PLEKHA3: variants seen among roughly 807,000 people sequenced by gnomAD.
PLEKHA3 encodes the protein pleckstrin homology domain containing A3, also known as pleckstrin homology domain-containing family A member 3.
PLEKHA3 carries 19 observed loss-of-function variants against 39.2 expected under a neutral mutation model. That is an observed-to-expected ratio of 0.48 (90% confidence interval 0.34 to 0.71). The LOEUF (loss-of-function observed/expected upper bound fraction) is 0.71, where lower values mean the gene tolerates loss of function less well. Among genes scored for constraint, PLEKHA3 ranks in the 30% least tolerant of loss-of-function variants. PLEKHA3 has a pLI of 0.01. For synonymous variants in PLEKHA3, 97 were observed against 118.6 expected, an observed-to-expected ratio of 0.82 and a Z score of 1.18; for missense variants, 253 against 359.5, an observed-to-expected ratio of 0.70 and a Z score of 2.40.
chr2:178,494,406 A>G (rs921760830), intron 4 of PLEKHA3, among the ~76,000 whole-genome samples: 1 of 152,230 alleles, frequency 6.6e-6, no homozygotes, highest in Non-Finnish European at 1.5e-5. Context: ...TTCTCAGAAC[A>G]GTGACTTAGG....
chr2:178,483,417 G>A (rs1469840027), intron 1 of PLEKHA3, among the ~76,000 whole-genome samples: 1 of 151,958 alleles, frequency 6.6e-6, no homozygotes, highest in Non-Finnish European at 1.5e-5. Flanking sequence ...ATATAAGTGT[G>A]TGAACCAATT....
chr2:178,500,358 T>C (rs2154127969), intron 6 of PLEKHA3, among the ~76,000 whole-genome samples: 1 of 152,112 alleles, frequency 6.6e-6, no homozygotes, highest in East Asian at 1.9e-4. Context: ...AACTGAATTT[T>C]CCAGAAAAAT....
chr2:178,510,539 T>C lies in PLEKHA3; in HGVS notation c.*6652T>C, dbSNP rs1249477756. 2 of 153,720 alleles carry C rather than the reference T, an allele frequency of 1.3e-5. No individual in the cohort carries two copies. Among genetic ancestry groups the C allele is most frequent in the African/African-American group, 4.8e-5 (2 of 41,444 alleles). 9.5% of individuals were successfully genotyped at this position (153,720 alleles called of 1,614,324 possible). A position where few individuals can be genotyped will look rare whatever the true frequency, so the allele number is the denominator to read the frequency against. On this transcript the variant is annotated 3_prime_UTR_variant, in exon 8 of 8. Coordinates refer to ENST00000234453, the MANE Select transcript of PLEKHA3 (RefSeq NM_019091.4). Reference sequence around the variant, plus strand: ...TTAGGTCATGTGGGTACCACCCTCATGAATAGATTAATGCCGCCGTGTAAA... The same window carrying C: ...TTAGGTCATGTGGGTACCACCCTCACGAATAGATTAATGCCGCCGTGTAAA...
rs1685646220 is a variant in PLEKHA3 at position 178,509,199 on chromosome 2, A to T, written c.*5312A>T. On this transcript the variant is annotated 3_prime_UTR_variant, in exon 8 of 8. Transcript: ENST00000234453. ...ATATCTTTTGGTGGTTTGGAGGTAGAGGAAATAAATTCATGTGGTTGGTTT... is the reference window on the plus strand; with the variant it reads ...ATATCTTTTGGTGGTTTGGAGGTAGTGGAAATAAATTCATGTGGTTGGTTT... 6.6e-6 allele frequency: 1 copy of T among 152,196 alleles called. No individual in the cohort carries two copies. Among genetic ancestry groups the T allele is most frequent in the Non-Finnish European group, 1.5e-5 (1 of 68,032 alleles). The allele number at this position is 152,196 out of a possible 1,614,324, so 9.4% of individuals were successfully genotyped here. A position where few individuals can be genotyped will look rare whatever the true frequency, so the allele number is the denominator to read the frequency against.
rs924604903 is a variant in PLEKHA3 at position 178,486,371 on chromosome 2, A to G, written c.157+614A>G. On this transcript the variant is annotated intron_variant, in intron 2 of 7. Transcript: ENST00000234453. ...GGCGAAATCAGATAAAATGGCAGTG[A>G]AAAGGACTGAATTCTTCAAAGAGAG... is the stretch of plus-strand genomic sequence containing the variant. Among the ~76,000 whole-genome samples, 7 of 152,274 alleles carry G rather than the reference A, an allele frequency of 4.6e-5. 1 individual carries two copies. Among genetic ancestry groups the G allele is most frequent in the African/African-American group, 1.7e-4 (7 of 41,558 alleles).
intron 3 of PLEKHA3, among the ~76,000 whole-genome samples, chr2:178,491,563 A>G (rs1463116210): frequency 6.6e-6 from 1 of 152,246 alleles, no homozygotes; most frequent in Admixed American, 6.5e-5. Flanking sequence ...TGACTTTACC[A>G]TGTACGCATA....
In PLEKHA3 at chr2:178,490,630, C is replaced by G. The variant is rs1575143529; in HGVS notation, c.158-29C>G. ...ACCCTTAAATTACTTAAGTCTATAA[C>G]TGTATTTCCCCTTTGTTTATCATCA... is the stretch of plus-strand genomic sequence containing the variant. On this transcript the variant is annotated intron_variant, in intron 2 of 7. Coordinates refer to ENST00000234453, the MANE Select transcript of PLEKHA3 (RefSeq NM_019091.4). 3 of 1,600,054 alleles carry G rather than the reference C, an allele frequency of 1.9e-6. No homozygotes were observed. In the East Asian group the frequency reaches 6.7e-5, roughly 36 times the overall value.
chr2:178,501,796 A>G (rs935963370), intron 7 of PLEKHA3, among the ~76,000 whole-genome samples: 1 of 151,982 alleles, frequency 6.6e-6, no homozygotes, highest in Non-Finnish European at 1.5e-5. Context: ...TTTGCAGTGA[A>G]CACAAATATA....
At position 178,510,978 on chromosome 2, in the gene PLEKHA3, T is replaced by C. The variant is rs144008906; in HGVS notation, c.*7091T>C. ...GTTTTAAAACAAAATAATTGTGTTC[T>C]AGGTAGAAGCTACTCTGAGTTTAGG... On this transcript the variant is annotated 3_prime_UTR_variant, in exon 8 of 8. Coordinates refer to ENST00000234453, the MANE Select transcript of PLEKHA3 (RefSeq NM_019091.4). The C allele has an allele frequency of 6.6e-6, 1 of 152,346 alleles. No homozygotes were observed. Among genetic ancestry groups the C allele is most frequent in the African/African-American group, 2.4e-5 (1 of 41,580 alleles). The allele number at this position is 152,346 out of a possible 1,614,324, so 9.4% of individuals were successfully genotyped here.
chr2:178,501,189 G>A lies in PLEKHA3; in HGVS notation c.775+13G>A, dbSNP rs1356901136. 1 of 1,582,672 alleles carries A rather than the reference G, an allele frequency of 6.3e-7. No homozygotes were observed. The highest frequency in any genetic ancestry group is 8.7e-7 in the Non-Finnish European group (1 of 1,155,912). On this transcript the variant is annotated intron_variant, in intron 7 of 7. Transcript: ENST00000234453. ...GAAGACCCAGATAGTAAGTGACATA[G>A]ATTCTGTCTCTTTCTTTGGCATATT...
chr2:178,480,796 C>A lies in PLEKHA3; in HGVS notation c.-74C>A, dbSNP rs1383353671. 1 of 1,265,574 alleles carries A rather than the reference C, an allele frequency of 7.9e-7. No homozygotes were observed. Among genetic ancestry groups the A allele is most frequent in the East Asian group, 2.9e-5 (1 of 34,980 alleles). The allele number at this position is 1,265,574 out of a possible 1,614,324, so 78.4% of individuals were successfully genotyped here. ...GCCCGGGCGGGCCGGGAGGGGCTGC[C>A]CCAGGCCCTGCGCCTACCCCATCAC... is the stretch of plus-strand genomic sequence containing the variant. On this transcript the variant is annotated 5_prime_UTR_variant, in exon 1 of 8. Coordinates refer to ENST00000234453, the MANE Select transcript of PLEKHA3 (RefSeq NM_019091.4).
intron 2 of PLEKHA3, 140 bp downstream of exon 2, chr2:178,485,897 G>T: frequency 1.7e-6 from 1 of 576,072 alleles, no homozygotes; most frequent in Non-Finnish European, 3.1e-6. Context: ...GTCAGGAGTG[G>T]CATTTCATCA....
At chr2:178,499,959 AT>A (rs544949189) in intron 6 of PLEKHA3, among the ~76,000 whole-genome samples, 250 of 152,236 alleles carry the variant, frequency 1.6e-3, no homozygotes, top group Middle Eastern at 3.4e-3. Flanking sequence ...AGCATCATCT[AT>A]TCATGCTGAG....
Position 178,516,101 on chromosome 2 carries a change from G to T in PLEKHA3, c.*12214G>T, listed in dbSNP as rs1041258718. ...ATACATACATATATATACATAAAATGATTCTTGCAAAAGTAGTTATGGGTA... is the reference window on the plus strand; with the variant it reads ...ATACATACATATATATACATAAAATTATTCTTGCAAAAGTAGTTATGGGTA... On this transcript the variant is annotated 3_prime_UTR_variant, in exon 8 of 8. Transcript: ENST00000234453. The T allele has an allele frequency of 1.3e-5, 2 of 151,088 alleles. No individual in the cohort carries two copies. The highest frequency in any genetic ancestry group is 3.0e-5 in the Non-Finnish European group (2 of 67,744). 9.4% of individuals were successfully genotyped at this position (151,088 alleles called of 1,614,324 possible). A position where few individuals can be genotyped will look rare whatever the true frequency, so the allele number is the denominator to read the frequency against.
At position 178,514,602 on chromosome 2, in the gene PLEKHA3, A is replaced by T. The variant is rs1685733734; in HGVS notation, c.*10715A>T. 1 of 151,880 alleles carries T rather than the reference A, an allele frequency of 6.6e-6. No homozygotes were observed. The highest frequency in any genetic ancestry group is 1.5e-5 in the Non-Finnish European group (1 of 67,960). 9.4% of individuals were successfully genotyped at this position (151,880 alleles called of 1,614,324 possible). On this transcript the variant is annotated 3_prime_UTR_variant, in exon 8 of 8. Transcript: ENST00000234453. ...TGTATAAGTAATGTGTATATCCTTC[A>T]CTTATTAATAGTGCCTTCATGAATT...
Position 178,507,680 on chromosome 2 carries a change from T to G in PLEKHA3, c.*3793T>G, listed in dbSNP as rs1464438380. 2 of 132,850 alleles carry G rather than the reference T, an allele frequency of 1.5e-5. No homozygotes were observed. The highest frequency in any genetic ancestry group is 3.1e-5 in the Non-Finnish European group (2 of 64,512). 8.2% of individuals were successfully genotyped at this position (132,850 alleles called of 1,614,324 possible). On this transcript the variant is annotated 3_prime_UTR_variant, in exon 8 of 8. Transcript: ENST00000234453. ...TAGGTTTTTTTTTTTTTTTTTTTTT[T>G]TTTTTTTTTTTTTTGGCAAAGCTCC...
At chr2:178,491,971 A>G (rs1393500008) in intron 3 of PLEKHA3, among the ~76,000 whole-genome samples, 1 of 152,062 alleles carries the variant, frequency 6.6e-6, no homozygotes, top group East Asian at 1.9e-4. Flanking sequence ...GAACTCACTC[A>G]CTCCTTTGAC....
At chr2:178,481,351 TA>T (rs1200847120) in intron 1 of PLEKHA3, among the ~76,000 whole-genome samples, 5 of 152,388 alleles carry the variant, frequency 3.3e-5, no homozygotes, top group African/African-American at 1.2e-4. Flanking sequence ...TTAATTTCCT[TA>T]ACATTTTATT....
chr2:178,514,091 ATT>A lies in PLEKHA3; in HGVS notation c.*10212_*10213del, dbSNP rs60766079. 1.3e-5 allele frequency: 2 copies of A among 150,216 alleles called. No individual in the cohort carries two copies. Among genetic ancestry groups the A allele is most frequent in the African/African-American group, 4.9e-5 (2 of 40,840 alleles). 9.3% of individuals were successfully genotyped at this position (150,216 alleles called of 1,614,324 possible). A position where few individuals can be genotyped will look rare whatever the true frequency, so the allele number is the denominator to read the frequency against. Reference sequence around the variant, plus strand: ...ACAGCTCTCATTTAGCTTATTATTGATTTTTTTTTCTTGTTTTGCAGTTGTTG... The same window carrying A: ...ACAGCTCTCATTTAGCTTATTATTGATTTTTTTCTTGTTTTGCAGTTGTTG... On this transcript the variant is annotated 3_prime_UTR_variant, in exon 8 of 8. Transcript: ENST00000234453.
Sources: allele counts gnomAD v4.1 joint callset (sites outside exome capture counted in the v4.1 genomes callset), GRCh38; gene constraint gnomAD v4.1.1; transcripts MANE v1.5; gene names NCBI Gene and HGNC (gene_info 2026-07-23, HGNC 2026-07-21).